PDE4D: variants seen among roughly 807,000 people sequenced by gnomAD.
PDE4D encodes the protein phosphodiesterase 4D, also known as 3',5'-cyclic-AMP phosphodiesterase 4D.
Under a neutral mutation model 87.4 loss-of-function variants are expected in PDE4D, and 24 were observed. The ratio of observed to expected loss-of-function variants is 0.27; its 90% confidence interval spans 0.20 to 0.39. The LOEUF (loss-of-function observed/expected upper bound fraction) is 0.39. PDE4D is among the 10% of genes least tolerant of loss of function. The pLI is 1.00. For missense variants in PDE4D, 714 were observed against 1,041.0 expected (o/e 0.69, Z 4.32); for synonymous variants, 384 against 383.2 (o/e 1.00, Z -0.02).
At chr5:59,452,134 T>C (rs577893102) in intron 1 of PDE4D, among the ~76,000 whole-genome samples, 1 of 152,004 alleles carries the variant, frequency 6.6e-6, no homozygotes, top group East Asian at 1.9e-4. Context: ...AATTCTTCCA[T>C]TGTGGCCCAG....
At chr5:59,795,087 T>C (rs989613819) in intron 1 of PDE4D, among the ~76,000 whole-genome samples, 3 of 152,216 alleles carry the variant, frequency 2.0e-5, no homozygotes, top group African/African-American at 7.2e-5. Flanking sequence ...TCAGCTAATG[T>C]AAGGCTTGGC....
At chr5:60,322,846 T>C (rs1017760765) in intron 1 of PDE4D, among the ~76,000 whole-genome samples, 1 of 152,226 alleles carries the variant, frequency 6.6e-6, no homozygotes, top group African/African-American at 2.4e-5. Flanking sequence ...CCAGTCTACC[T>C]TTTTCCTCAT....
chr5:59,393,572 T>G (rs747848635), intron 1 of PDE4D, among the ~76,000 whole-genome samples: 14 of 152,232 alleles, frequency 9.2e-5, no homozygotes, highest in Non-Finnish European at 1.9e-4. Context: ...CTCATTCTAG[T>G]GAAGTCTTAC....
At chr5:60,379,599 C>T (rs1761703794) in intron 1 of PDE4D, among the ~76,000 whole-genome samples, 1 of 152,178 alleles carries the variant, frequency 6.6e-6, no homozygotes, top group Admixed American at 6.5e-5. Flanking sequence ...ACCAAAATAG[C>T]ATTTTTCTCC....
intron 1 of PDE4D, among the ~76,000 whole-genome samples, chr5:59,386,378 TA>T (rs1786992220): frequency 1.3e-5 from 2 of 152,134 alleles, no homozygotes; most frequent in South Asian, 2.1e-4. Context: ...TTAAAGAAAA[TA>T]TTTCTTTTTA....
At chr5:59,548,386 T>C (rs1376201491) in intron 1 of PDE4D, among the ~76,000 whole-genome samples, 1 of 152,166 alleles carries the variant, frequency 6.6e-6, no homozygotes, top group Admixed American at 6.6e-5. Flanking sequence ...CTGGGGAAAA[T>C]TTATTTATTC....
intron 2 of PDE4D, among the ~76,000 whole-genome samples, chr5:60,053,093 T>C (rs1202260883): frequency 6.6e-6 from 1 of 152,174 alleles, no homozygotes; most frequent in East Asian, 1.9e-4. Context: ...AGAATCAGTA[T>C]CATGAAAATG....
At chr5:59,385,461 G>A (rs144881861) in intron 1 of PDE4D, among the ~76,000 whole-genome samples, 79 of 152,156 alleles carry the variant, frequency 5.2e-4, no homozygotes, top group African/African-American at 1.8e-3. Flanking sequence ...TTGTACTCCA[G>A]CATCTATTTT....
intron 1 of PDE4D, among the ~76,000 whole-genome samples, chr5:59,707,555 G>T (rs147081926): frequency 5.5e-4 from 83 of 152,132 alleles, no homozygotes; most frequent in African/African-American, 1.8e-3. Flanking sequence ...GGATGCACAG[G>T]TTTGTTACAT....
At chr5:59,395,283 G>T (rs55697445) in intron 1 of PDE4D, among the ~76,000 whole-genome samples, 1 of 152,166 alleles carries the variant, frequency 6.6e-6, no homozygotes, top group Non-Finnish European at 1.5e-5. Flanking sequence ...GGGCAGGGCA[G>T]GGCACAGACA....
chr5:59,373,926 T>C (rs1784326046), intron 1 of PDE4D, among the ~76,000 whole-genome samples: 1 of 152,122 alleles, frequency 6.6e-6, no homozygotes, highest in African/African-American at 2.4e-5. Flanking sequence ...CTGGCCAAAC[T>C]AAGCATCATA....
intron 1 of PDE4D, among the ~76,000 whole-genome samples, chr5:59,687,483 A>G (rs1350462439): frequency 1.3e-5 from 2 of 152,198 alleles, no homozygotes; most frequent in African/African-American, 2.4e-5. Context: ...AAGTTTCATA[A>G]GTGAAGGAGA....
chr5:59,273,765 GCTTGA>G lies in PDE4D; in HGVS notation c.456-57802_456-57798del, dbSNP rs1764295528. Among the ~76,000 whole-genome samples the G allele has an allele frequency of 2.0e-5, 3 of 152,078 alleles. No homozygotes were observed. In the South Asian group the frequency reaches 6.2e-4, roughly 32 times the overall value. ...ATTTAAAAATGCATTTTAAATTGTGGCTTGACTTATGAAAATATCCCATACAATTT... is the reference window on the plus strand; with the variant it reads ...ATTTAAAAATGCATTTTAAATTGTGGCTTATGAAAATATCCCATACAATTT... On this transcript the variant is annotated intron_variant, in intron 1 of 14. Transcript: ENST00000340635.
At chr5:60,335,579 G>C (rs138571668) in intron 1 of PDE4D, among the ~76,000 whole-genome samples, 1 of 152,170 alleles carries the variant, frequency 6.6e-6, no homozygotes, top group Non-Finnish European at 1.5e-5. Context: ...AAGAAAGGGT[G>C]GTTGGGCCTA....
intron 1 of PDE4D, among the ~76,000 whole-genome samples, chr5:60,481,472 T>A (rs1748727260): frequency 2.6e-5 from 4 of 152,182 alleles, no homozygotes; most frequent in Admixed American, 2.6e-4. Flanking sequence ...TTATGTTAGA[T>A]GCACCATTTG....
rs915291139 is a variant in PDE4D, at chr5:60,201,769, G to C, written c.-89-16082C>G. On this transcript the variant is annotated intron_variant, in intron 1 of 16. Transcript: ENST00000502484. Reference sequence around the variant, plus strand: ...ATTTCTGAAAGACAATATTAACAAAGGAGTAATTTCTGTAATAATTATAAT... The same window carrying C: ...ATTTCTGAAAGACAATATTAACAAACGAGTAATTTCTGTAATAATTATAAT... 2.0e-5 allele frequency among the ~76,000 whole-genome samples: 3 copies of C among 152,090 alleles called. No homozygotes were observed. In the East Asian group the frequency reaches 5.8e-4, roughly 29 times the overall value.
intron 1 of PDE4D, among the ~76,000 whole-genome samples, chr5:59,718,518 G>A (rs555037399): frequency 5.3e-5 from 8 of 152,144 alleles, no homozygotes; most frequent in Non-Finnish European, 1.2e-4. Flanking sequence ...AGTTTCTGAA[G>A]AATGCTTGGC....
chr5:59,619,337 A>G (rs1830081151), intron 1 of PDE4D, among the ~76,000 whole-genome samples: 1 of 152,184 alleles, frequency 6.6e-6, no homozygotes, highest in African/African-American at 2.4e-5. Context: ...CATATCTAAA[A>G]TATAAGCCTA....
At chr5:59,515,681 G>A (rs1811033438) in intron 1 of PDE4D, among the ~76,000 whole-genome samples, 1 of 152,144 alleles carries the variant, frequency 6.6e-6, no homozygotes, top group Non-Finnish European at 1.5e-5. Context: ...GAAAATTGTT[G>A]CCATTTTGTA....
Sources: allele counts gnomAD v4.1 joint callset (sites outside exome capture counted in the v4.1 genomes callset), GRCh38; gene constraint gnomAD v4.1.1; transcripts MANE v1.5; gene names NCBI Gene and HGNC (gene_info 2026-07-23, HGNC 2026-07-21).